The following EYA4 variants were observed in gnomAD, a reference collection of about 807,000 sequenced individuals.
EYA4 encodes the protein protein phosphatase EYA4.
A neutral mutation model predicts 87.9 loss-of-function variants in EYA4; 31 were observed. That is an observed-to-expected ratio of 0.35 (90% confidence interval 0.27 to 0.48). The LOEUF is 0.48. EYA4 is among the 20% of genes least tolerant of loss of function. The pLI is 0.99. For missense variants in EYA4, 678 were observed against 761.4 expected (o/e 0.89, Z 1.29); for synonymous variants, 263 against 270.6 (o/e 0.97, Z 0.28).
intron 16 of EYA4, 34 bp downstream of exon 16, chr6:133,513,072 T>G (rs1190721586): frequency 1.3e-6 from 2 of 1,583,992 alleles, no homozygotes; most frequent in African/African-American, 1.3e-5. Flanking sequence ...ACAAAGGTAC[T>G]CTGGGTATAG....
chr6:133,358,345 A>C (rs1289600467), intron 2 of EYA4, among the ~76,000 whole-genome samples: 15 of 152,202 alleles, frequency 9.9e-5, no homozygotes, highest in Non-Finnish European at 1.6e-4. Flanking sequence ...TGAATTTTCA[A>C]TTATTTTCCT....
At chr6:133,488,661 CTA>C (rs34696647) in intron 13 of EYA4, among the ~76,000 whole-genome samples, 49,076 of 151,980 alleles carry the variant, frequency 0.32, 9,685 homozygotes, top group Non-Finnish European at 0.44. Context: ...GAGGGCATCT[CTA>C]TGAGTCTGCA....
At chr6:133,329,558 A>G (rs1175549481) in intron 2 of EYA4, among the ~76,000 whole-genome samples, 1 of 152,138 alleles carries the variant, frequency 6.6e-6, no homozygotes, top group African/African-American at 2.4e-5. Context: ...AAATCTCAGA[A>G]ATAGTCATTA....
intron 14 of EYA4, among the ~76,000 whole-genome samples, chr6:133,512,023 A>G (rs981474152): frequency 6.6e-6 from 1 of 152,082 alleles, no homozygotes; most frequent in Non-Finnish European, 1.5e-5. Flanking sequence ...ATACTTACAT[A>G]AAGTTTATTT....
intron 3 of EYA4, among the ~76,000 whole-genome samples, chr6:133,404,539 G>A (rs1185909285): frequency 1.3e-5 from 2 of 151,904 alleles, no homozygotes; most frequent in Non-Finnish European, 2.9e-5. Context: ...CTACACTGTA[G>A]ATTCTTCAGA....
At chr6:133,253,126 C>T (rs1263169867) in intron 1 of EYA4, among the ~76,000 whole-genome samples, 1 of 152,028 alleles carries the variant, frequency 6.6e-6, no homozygotes, top group African/African-American at 2.4e-5. Context: ...AAGGACCCTG[C>T]ATAGCTCCTT....
intron 3 of EYA4, among the ~76,000 whole-genome samples, chr6:133,400,305 C>T (rs916413318): frequency 3.3e-5 from 5 of 151,866 alleles, no homozygotes; most frequent in African/African-American, 9.7e-5. Flanking sequence ...GTCAGGAGTT[C>T]GAGACCAGCC....
chr6:133,356,463 A>G (rs76472148), intron 2 of EYA4, among the ~76,000 whole-genome samples: 2,560 of 152,298 alleles, frequency 0.017, 61 homozygotes, highest in African/African-American at 0.056. Context: ...CTAGAATTCC[A>G]TGGTACTTTT....
intron 1 of EYA4, among the ~76,000 whole-genome samples, chr6:133,255,390 G>C (rs1487220386): frequency 6.6e-6 from 1 of 152,040 alleles, no homozygotes; most frequent in Non-Finnish European, 1.5e-5. Context: ...CTTTTATCTT[G>C]GTTTGGTTGC....
Position 133,461,110 on chromosome 6 carries a change from A to G in EYA4, c.371-4A>G. The G allele has an allele frequency of 6.2e-7, 1 of 1,607,616 alleles. No homozygotes were observed. Among genetic ancestry groups the G allele is most frequent in the Non-Finnish European group, 8.5e-7 (1 of 1,174,190 alleles). On this transcript the variant is annotated splice_region_variant and splice_polypyrimidine_tract_variant and intron_variant, in intron 6 of 19. Coordinates refer to ENST00000355286, the MANE Select transcript of EYA4 (RefSeq NM_004100.5). ...TGGTGCACTGGTATTTTTGTGTCTTACAGTAATTACAAGTAGTGGCTACAG... is the reference window on the plus strand; with the variant it reads ...TGGTGCACTGGTATTTTTGTGTCTTGCAGTAATTACAAGTAGTGGCTACAG...
At chr6:133,350,406 G>T (rs1347263647) in intron 2 of EYA4, among the ~76,000 whole-genome samples, 5 of 152,120 alleles carry the variant, frequency 3.3e-5, no homozygotes, top group Admixed American at 3.3e-4. Flanking sequence ...GGGGTTAGGT[G>T]TTGGCTAGTT....
chr6:133,480,419 G>T (rs994038507), intron 11 of EYA4, among the ~76,000 whole-genome samples: 3 of 152,096 alleles, frequency 2.0e-5, no homozygotes, highest in Non-Finnish European at 4.4e-5. Flanking sequence ...TGATAAATTG[G>T]ATATCAATAA....
intron 3 of EYA4, among the ~76,000 whole-genome samples, chr6:133,385,389 C>CTG (rs1189948869): frequency 0.014 from 912 of 64,580 alleles, 10 homozygotes; most frequent in Middle Eastern, 0.031. Context: ...TGTATGCTCT[C>CTG]TCTGTGTGTG....
chr6:133,313,516 A>G (rs187046148), intron 2 of EYA4, among the ~76,000 whole-genome samples: 44 of 152,290 alleles, frequency 2.9e-4, no homozygotes, highest in Non-Finnish European at 4.9e-4. Flanking sequence ...TATATTTTCT[A>G]GGAGAAAATA....
chr6:133,459,515 T>C (rs997120578), intron 6 of EYA4, among the ~76,000 whole-genome samples: 1 of 152,086 alleles, frequency 6.6e-6, no homozygotes, highest in African/African-American at 2.4e-5. Context: ...AAGTCTTGAG[T>C]GTACCAAGGA....
At chr6:133,309,141 G>T (rs1780027302) in intron 2 of EYA4, among the ~76,000 whole-genome samples, 2 of 151,826 alleles carry the variant, frequency 1.3e-5, no homozygotes, top group Admixed American at 1.3e-4. Context: ...GTATAATTTT[G>T]CTATGCTATT....
chr6:133,406,912 A>G lies in EYA4; in HGVS notation c.83+24471A>G, dbSNP rs192576802. 5.6e-4 allele frequency among the ~76,000 whole-genome samples: 86 copies of G among 152,314 alleles called. 1 individual carries two copies. Among genetic ancestry groups the G allele is most frequent in the African/African-American group, 1.9e-3 (78 of 41,584 alleles). On this transcript the variant is annotated intron_variant, in intron 3 of 19. Coordinates refer to ENST00000355286, the MANE Select transcript of EYA4 (RefSeq NM_004100.5). Reference sequence around the variant, plus strand: ...TAAAATTAAAGTTACTTATAGAGAAAGCTGAATAGAAAAATAATGTGTATA... The same window carrying G: ...TAAAATTAAAGTTACTTATAGAGAAGGCTGAATAGAAAAATAATGTGTATA...
At chr6:133,260,157 C>G (rs1775680595) in intron 1 of EYA4, among the ~76,000 whole-genome samples, 1 of 151,982 alleles carries the variant, frequency 6.6e-6, no homozygotes, top group Non-Finnish European at 1.5e-5. Context: ...TTCCACATTG[C>G]TCTGTAGTTT....
intron 2 of EYA4, among the ~76,000 whole-genome samples, chr6:133,334,778 T>C (rs1282638241): frequency 2.0e-5 from 3 of 152,206 alleles, no homozygotes; most frequent in South Asian, 2.1e-4. Flanking sequence ...TTATGTACTC[T>C]GAAGATCTTG....
Sources: gnomAD v4.1 joint callset for allele counts (sites outside exome capture counted in the v4.1 genomes callset) on GRCh38, gnomAD v4.1.1 for gene constraint, MANE v1.5 for transcripts, NCBI Gene and HGNC (gene_info 2026-07-23, HGNC 2026-07-21) for gene names.